Variants in EFHC2 observed in about 807,000 individuals in gnomAD.
EFHC2 encodes EF-hand domain-containing family member C2.
A neutral mutation model predicts 52.7 loss-of-function variants in EFHC2; 18 were observed. That is an observed-to-expected ratio of 0.34 (90% CI 0.24 to 0.51). The LOEUF is 0.51. Ranked by LOEUF, EFHC2 falls within the 20% of genes least tolerant of loss-of-function variation. The pLI is 0.97. For synonymous variants in EFHC2, 203 were observed against 204.1 expected, an observed-to-expected ratio of 0.99 and a Z score of 0.04; for missense variants, 513 against 562.5, an observed-to-expected ratio of 0.91 and a Z score of 0.89.
chrX:44,303,497 T>C (rs990223628), intron 2 of EFHC2, among the ~76,000 whole-genome samples: 4 of 110,489 alleles, frequency 3.6e-5, no homozygotes, highest in African/African-American at 1.3e-4. Context: ...CCTTAATCAC[T>C]CCCCACAATT....
Position 44,261,304 on chromosome X carries a change from G to T in EFHC2, c.383-6C>A. The T allele has an allele frequency of 1.7e-6, 2 of 1,166,187 alleles. No homozygotes were observed. The highest frequency in any genetic ancestry group is 2.3e-6 in the Non-Finnish European group (2 of 869,446). On this transcript the variant is annotated splice_region_variant and splice_polypyrimidine_tract_variant and intron_variant, in intron 3 of 14. Transcript: ENST00000420999. ...ATGACGCCGGATAGAAGTCCCTATG[G>T]CATGAAAGAAAATACAACTGTTTTA...
At chrX:44,327,249 A>G (rs941347669) in intron 1 of EFHC2, among the ~76,000 whole-genome samples, 54 of 111,759 alleles carry the variant, frequency 4.8e-4, no homozygotes, top group African/African-American at 1.8e-3. Flanking sequence ...AAAAACATCC[A>G]CCATGACCCG....
chrX:44,236,813 T>C (rs1455544094), intron 8 of EFHC2, among the ~76,000 whole-genome samples: 1 of 111,692 alleles, frequency 9.0e-6, no homozygotes, highest in Non-Finnish European at 1.9e-5. Flanking sequence ...TTCTCTGGTA[T>C]ATAATTGGAT....
chrX:44,195,092 C>T (rs1178720894), intron 11 of EFHC2, among the ~76,000 whole-genome samples: 6 of 112,002 alleles, frequency 5.4e-5, no homozygotes, highest in African/African-American at 1.9e-4. Flanking sequence ...TTTCCTGTGT[C>T]GCTTTGCTGT....
intron 13 of EFHC2, among the ~76,000 whole-genome samples, chrX:44,174,835 A>G (rs1398951680): frequency 9.0e-6 from 1 of 111,214 alleles, no homozygotes; most frequent in Non-Finnish European, 1.9e-5. Flanking sequence ...CACGGCTGCT[A>G]GCAAATAAAA....
chrX:44,301,192 C>T (rs2037866381), intron 2 of EFHC2, among the ~76,000 whole-genome samples: 1 of 109,716 alleles, frequency 9.1e-6, no homozygotes, highest in Admixed American at 9.8e-5. Flanking sequence ...TCAGCTGGCA[C>T]CACCCAGATT....
chrX:44,215,954 T>C (rs2037144957), intron 11 of EFHC2, among the ~76,000 whole-genome samples: 1 of 112,118 alleles, frequency 8.9e-6, no homozygotes, highest in African/African-American at 3.2e-5. Flanking sequence ...GGAAGGTCTT[T>C]GAACAAGAGA....
chrX:44,174,482 T>C (rs1490861788), intron 13 of EFHC2, among the ~76,000 whole-genome samples: 4 of 110,995 alleles, frequency 3.6e-5, no homozygotes, highest in Non-Finnish European at 5.7e-5. Flanking sequence ...GTGAGAATTC[T>C]GAGCAGGAGA....
intron 3 of EFHC2, among the ~76,000 whole-genome samples, chrX:44,272,083 T>G (rs1189493810): frequency 8.9e-6 from 1 of 111,988 alleles, no homozygotes; most frequent in Non-Finnish European, 1.9e-5. Context: ...TCTGCCATAC[T>G]TAATGCAACC....
chrX:44,321,663 G>A lies in EFHC2; in HGVS notation c.43-8907C>T, dbSNP rs912124429. Reference sequence around the variant, plus strand: ...AAAGAAAGCATTTGAAGGAACACGTGACTAACTGTGTTAAATGCTACTAAT... The same window carrying A: ...AAAGAAAGCATTTGAAGGAACACGTAACTAACTGTGTTAAATGCTACTAAT... On this transcript the variant is annotated intron_variant, in intron 1 of 14. Coordinates refer to ENST00000420999, the MANE Select transcript of EFHC2 (RefSeq NM_025184.4). Among the ~76,000 whole-genome samples, 10 of 111,452 alleles carry A rather than the reference G, an allele frequency of 9.0e-5. No homozygotes were observed. The East Asian group carries it at 1.4e-3, about 16-fold the overall frequency.
intron 2 of EFHC2, among the ~76,000 whole-genome samples, chrX:44,282,851 T>G (rs2037717484): frequency 9.1e-6 from 1 of 109,648 alleles, no homozygotes; most frequent in Non-Finnish European, 1.9e-5. Flanking sequence ...GCAGCTCGGG[T>G]AGACACGTGG....
intron 3 of EFHC2, among the ~76,000 whole-genome samples, chrX:44,265,929 T>C (rs2037573405): frequency 8.9e-6 from 1 of 112,030 alleles, no homozygotes; most frequent in East Asian, 2.8e-4. Flanking sequence ...AGTTAAAAAT[T>C]CCACATTTCT....
At chrX:44,165,961 T>G (rs971058863) in intron 13 of EFHC2, among the ~76,000 whole-genome samples, 11 of 111,582 alleles carry the variant, frequency 9.9e-5, no homozygotes, top group African/African-American at 3.6e-4. Flanking sequence ...AGCCAGGAAG[T>G]GGGCCCTCAG....
At position 44,218,365 on chromosome X, in the gene EFHC2, G is replaced by GA. The variant is rs965807106; in HGVS notation, c.1751+11283dup. Among the ~76,000 whole-genome samples, 245 of 107,927 alleles carry GA rather than the reference G, an allele frequency of 2.3e-3. 2 individuals are homozygous for GA. The highest frequency in any genetic ancestry group is 8.0e-3 in the African/African-American group (239 of 29,911). The allele number at this position is 107,927 out of a possible 115,157, so 93.7% of individuals were successfully genotyped here. ...CAGTCAAAACTATACCATAGAATAA[G>GA]AAAAAAAAAGTATGGGTAAGACATC... On this transcript the variant is annotated intron_variant, in intron 11 of 14. Transcript: ENST00000420999.
chrX:44,232,975 C>T (rs1369446456), intron 9 of EFHC2, among the ~76,000 whole-genome samples: 1 of 111,276 alleles, frequency 9.0e-6, no homozygotes, highest in East Asian at 2.8e-4. Flanking sequence ...ACAAGACCAG[C>T]CTGAGCAGCA....
At chrX:44,230,949 C>G (rs1007640703) in intron 10 of EFHC2, among the ~76,000 whole-genome samples, 1 of 111,392 alleles carries the variant, frequency 9.0e-6, no homozygotes, top group African/African-American at 3.3e-5. Flanking sequence ...AACTGAAGTT[C>G]AGGAAAAATA....
chrX:44,184,199 C>T (rs1279428757), intron 11 of EFHC2, among the ~76,000 whole-genome samples: 3 of 111,643 alleles, frequency 2.7e-5, no homozygotes, highest in African/African-American at 6.5e-5. Context: ...CCTCTGCTGT[C>T]GCTAGGAATT....
intron 11 of EFHC2, among the ~76,000 whole-genome samples, chrX:44,218,708 A>G (rs923568662): frequency 4.4e-5 from 5 of 112,366 alleles, no homozygotes; most frequent in Non-Finnish European, 9.4e-5. Flanking sequence ...AGAAAGCAAC[A>G]ACCATAAAAG....
chrX:44,275,895 T>C (rs1272751600), intron 2 of EFHC2, among the ~76,000 whole-genome samples: 3 of 98,480 alleles, frequency 3.0e-5, no homozygotes, highest in East Asian at 6.3e-4. Flanking sequence ...GCCTGGGTGA[T>C]AGAGTGAGAC....
Sources: allele counts gnomAD v4.1 joint callset (sites outside exome capture counted in the v4.1 genomes callset), GRCh38; gene constraint gnomAD v4.1.1; transcripts MANE v1.5; gene names NCBI Gene and HGNC (gene_info 2026-07-23, HGNC 2026-07-21).